The following PRKDC variants were observed in gnomAD, a reference collection of about 807,000 sequenced individuals.
PRKDC encodes the protein protein kinase, DNA-activated, catalytic subunit, also known as DNA-dependent protein kinase catalytic subunit.
Under a neutral mutation model 486.9 loss-of-function variants are expected in PRKDC, and 82 were observed. The ratio of observed to expected loss-of-function variants is 0.17; its 90% CI spans 0.14 to 0.20. The LOEUF is 0.20. Ranked by LOEUF, PRKDC falls within the 10% of genes least tolerant of loss-of-function variation. The probability of loss-of-function intolerance (pLI) is 1.00; values close to 1 mark genes in which losing one functional copy is unlikely to be tolerated. For synonymous variants in PRKDC, 1,895 were observed against 1,837.0 expected (o/e 1.03, Z -0.81); for missense variants, 4,504 against 5,038.2 (o/e 0.89, Z 3.21).
At chr8:47,888,677 A>C in intron 33 of PRKDC, 27 bp from the exon 34 acceptor site, 1 of 1,553,002 alleles carries the variant, frequency 6.4e-7, no homozygotes, top group Non-Finnish European at 8.7e-7. Context: ...ACAGTAAATT[A>C]GGTGAGCTCT....
At chr8:47,807,495 G>A (rs894383813) in intron 68 of PRKDC, among the ~76,000 whole-genome samples, 169 bp from the exon 69 acceptor site, 56 of 147,468 alleles carry the variant, frequency 3.8e-4, no homozygotes, top group African/African-American at 1.4e-3. Flanking sequence ...CTAGGCTCAC[G>A]GCATGCTCTG....
intron 21 of PRKDC, among the ~76,000 whole-genome samples, chr8:47,921,155 T>C (rs2090063722): frequency 6.6e-6 from 1 of 151,650 alleles, no homozygotes; most frequent in African/African-American, 2.4e-5. Context: ...CTCGGGAGGC[T>C]GCGGCAGGAG....
chr8:47,883,888 G>GT (rs1479809857), intron 36 of PRKDC, among the ~76,000 whole-genome samples: 1 of 152,236 alleles, frequency 6.6e-6, no homozygotes, highest in Non-Finnish European at 1.5e-5. Context: ...CGGCTCACAG[G>GT]TATCACCTGC....
rs1563780332 is a variant in PRKDC, at chr8:47,877,806, A to G, written c.5281T>C (p.Leu1761=). The G allele has an allele frequency of 1.3e-6, 2 of 1,596,936 alleles. No homozygotes were observed. Among genetic ancestry groups the G allele is most frequent in the South Asian group, 1.1e-5 (1 of 87,976 alleles). The change falls in exon 40 of 86, where the codon TTG becomes CTG. Residue 1761 remains leucine, a synonymous_variant. Coordinates refer to ENST00000314191, the MANE Select transcript of PRKDC (RefSeq NM_006904.7). ...TCCCGACAAAGAACTTCTGTCATCA[A>G]TTCCAACAACATAGGGCTTTGAGAT... ...ELSQSPMLLE[L]MTEVLCREQQ...
Position 47,831,918 on chromosome 8 carries a change from C to T in PRKDC, c.8161G>A (p.Gly2721Ser), listed in dbSNP as rs748936147. The change falls in exon 60 of 86, where the codon GGC becomes AGC. Residue 2721 changes from glycine (G) to serine (S), a missense_variant. Gly to Ser is a moderately conservative substitution (Grantham distance 56, BLOSUM62 0). Transcript: ENST00000314191. ...CGCAGTCGTAGTAGGTCCGTCCGGC[C>T]GGCCGCACCTGGAGAGGGAAAGCAG... ...EVDNKVKGAA[G>S]RTDLLRLRRR... The T allele has an allele frequency of 3.7e-6, 6 of 1,612,160 alleles. No individual in the cohort carries two copies. The highest frequency in any genetic ancestry group is 1.7e-4 in the Middle Eastern group (1 of 6,020).
Position 47,954,372 on chromosome 8 carries a change from T to G in PRKDC, c.474A>C (p.Gly158=). 1 of 1,363,368 alleles carries G rather than the reference T, an allele frequency of 7.3e-7. No homozygotes were observed. The allele number at this position is 1,363,368 out of a possible 1,614,324, so 84.5% of individuals were successfully genotyped here. A position where few individuals can be genotyped will look rare whatever the true frequency, so the allele number is the denominator to read the frequency against. ...KIGELFSKFY[G]ELALKKKIPD... ...GTATTTTTTTTTTCAATGCAAGTTC[T>G]CCATAGAATTTACTAAATAATTCTC... The change falls in exon 5 of 86, where the codon GGA becomes GGC. Residue 158 remains glycine (G), a synonymous_variant. Coordinates refer to ENST00000314191, the MANE Select transcript of PRKDC (RefSeq NM_006904.7).
intron 22 of PRKDC, among the ~76,000 whole-genome samples, chr8:47,916,599 A>T (rs562423343): frequency 6.8e-4 from 104 of 152,278 alleles, no homozygotes; most frequent in South Asian, 5.4e-3. Context: ...TTTAGAGAAA[A>T]TGTCTGCATA....
chr8:47,901,866 A>T (rs1434777326), intron 27 of PRKDC, among the ~76,000 whole-genome samples: 2 of 152,142 alleles, frequency 1.3e-5, no homozygotes, highest in Admixed American at 1.3e-4. Context: ...AATGAACACC[A>T]CTACCTTAGG....
At chr8:47,941,815 G>A (rs1219199488) in intron 10 of PRKDC, among the ~76,000 whole-genome samples, 1 of 152,222 alleles carries the variant, frequency 6.6e-6, no homozygotes, top group Non-Finnish European at 1.5e-5. Flanking sequence ...TTCTCACGAG[G>A]TAGAGATTAG....
chr8:47,815,485 T>A (rs1486969999), intron 68 of PRKDC, among the ~76,000 whole-genome samples: 1 of 152,176 alleles, frequency 6.6e-6, no homozygotes, highest in Non-Finnish European at 1.5e-5. Context: ...AAGAAAACAG[T>A]AGAAGACAGG....
rs1014688903 is a variant in PRKDC, at chr8:47,890,356, T to C, written c.3972A>G (p.Pro1324=). 6 of 1,613,414 alleles carry C rather than the reference T, an allele frequency of 3.7e-6. No individual in the cohort carries two copies. The highest frequency in any genetic ancestry group is 1.3e-5 in the African/African-American group (1 of 74,930). ...TGTAGTTGTACCTTTCTCCCTCTTG[T>C]GGGCTTGTTCTGTTACCTGCTGCCC... ...GTGAAGNRTS[P]QEGERYNYSK... The change falls in exon 32 of 86, where the codon CCA becomes CCG. Residue 1324 remains proline, a synonymous_variant. Transcript: ENST00000314191.
intron 7 of PRKDC, among the ~76,000 whole-genome samples, chr8:47,945,872 C>T (rs987599277): frequency 4.6e-5 from 7 of 152,108 alleles, no homozygotes; most frequent in Admixed American, 3.9e-4. Flanking sequence ...CAGGCGCCTG[C>T]CACCACGCCC....
At chr8:47,800,717 T>C in intron 71 of PRKDC, 76 bp downstream of exon 71, 2 of 1,304,424 alleles carry the variant, frequency 1.5e-6, no homozygotes, top group Non-Finnish European at 2.0e-6. Context: ...TCCTTATTAT[T>C]ACTTTCCTGT....
At chr8:47,879,237 TG>T (rs1232040051) in intron 39 of PRKDC, among the ~76,000 whole-genome samples, 18 of 152,228 alleles carry the variant, frequency 1.2e-4, no homozygotes, top group Admixed American at 1.2e-3. Flanking sequence ...GTGAATTAAA[TG>T]AATTCTCAGG....
At chr8:47,842,369 T>C (rs776429390) in intron 54 of PRKDC, among the ~76,000 whole-genome samples, 11 of 152,116 alleles carry the variant, frequency 7.2e-5, no homozygotes, top group African/African-American at 1.4e-4. Context: ...GTCTGAATTA[T>C]ATCACTAAAA....
intron 72 of PRKDC, among the ~76,000 whole-genome samples, chr8:47,798,802 C>A (rs1401240237): frequency 1.3e-5 from 2 of 152,076 alleles, no homozygotes; most frequent in Non-Finnish European, 2.9e-5. Context: ...CTTAGAGAGG[C>A]CATTGTCTCT....
intron 31 of PRKDC, 75 bp downstream of exon 31, chr8:47,893,064 C>A: frequency 6.9e-7 from 1 of 1,448,792 alleles, no homozygotes; most frequent in Non-Finnish European, 9.2e-7. Context: ...CGCTGGGATT[C>A]TGACCTGGCA....
intron 21 of PRKDC, among the ~76,000 whole-genome samples, chr8:47,920,462 TAAA>T (rs2090053773): frequency 1.3e-5 from 2 of 152,218 alleles, no homozygotes; most frequent in African/African-American, 2.4e-5. Context: ...AATTAGATTA[TAAA>T]GTCTCTTAAA....
At chr8:47,822,787 AAAAC>A (rs962747528) in intron 64 of PRKDC, among the ~76,000 whole-genome samples, 4 of 151,844 alleles carry the variant, frequency 2.6e-5, no homozygotes, top group Non-Finnish European at 4.4e-5. Context: ...GAGACTCTCA[AAAAC>A]AAACAAACAA....
Sources: allele counts gnomAD v4.1 joint callset (sites outside exome capture counted in the v4.1 genomes callset), GRCh38; gene constraint gnomAD v4.1.1; transcripts MANE v1.5; gene names NCBI Gene and HGNC (gene_info 2026-07-23, HGNC 2026-07-21).